POLE: variants seen among roughly 807,000 people sequenced by gnomAD.
POLE encodes DNA polymerase epsilon, catalytic subunit, also known as DNA polymerase epsilon catalytic subunit A.
Under a neutral mutation model 279.2 loss-of-function variants are expected in POLE, and 188 were observed. That is an observed-to-expected ratio of 0.67 (90% CI 0.60 to 0.76). POLE has a LOEUF of 0.76. Among genes scored for constraint, POLE ranks in the 30% least tolerant of loss-of-function variants. The pLI, the probability that POLE is intolerant of heterozygous loss-of-function variation, is 0.00. For synonymous variants in POLE, 1,214 were observed against 1,172.5 expected (o/e 1.04, Z -0.72); for missense variants, 2,703 against 3,016.7 (o/e 0.90, Z 2.44).
rs192222479 is a variant in POLE, at chr12:132,667,660, G to A, written c.2174-12C>T. 1.4e-5 allele frequency: 23 copies of A among 1,613,730 alleles called. No individual in the cohort carries two copies. The highest frequency in any genetic ancestry group is 1.1e-4 in the East Asian group (5 of 44,880). Reference sequence around the variant, plus strand: ...TTTCCGGCAGTAATCTAAGCACGACGGAGATGGGCAGAGCAGGTGGGTGAG... The same window carrying A: ...TTTCCGGCAGTAATCTAAGCACGACAGAGATGGGCAGAGCAGGTGGGTGAG... On this transcript the variant is annotated splice_polypyrimidine_tract_variant and intron_variant, in intron 19 of 48. Transcript: ENST00000320574.
intron 12 of POLE, 37 bp from the exon 13 acceptor site, chr12:132,673,744 T>C (rs2042984561): frequency 6.2e-7 from 1 of 1,609,852 alleles, no homozygotes; most frequent in Admixed American, 1.7e-5. Context: ...AGGATGATTC[T>C]AACATGCAGC....
chr12:132,656,365 CT>C (rs56112203), intron 29 of POLE, among the ~76,000 whole-genome samples: 3,406 of 145,514 alleles, frequency 0.023, 100 homozygotes, highest in African/African-American at 0.076. Flanking sequence ...GAACCTTTTT[CT>C]TTTTTTTTTT....
intron 20 of POLE, 131 bp downstream of exon 20, chr12:132,667,372 A>C: frequency 1.0e-6 from 1 of 953,702 alleles, no homozygotes; most frequent in Non-Finnish European, 1.6e-6. Flanking sequence ...AGTCAAAAAC[A>C]ATTGCACGTT....
intron 29 of POLE, among the ~76,000 whole-genome samples, chr12:132,652,741 C>G (rs780968914): frequency 1.3e-5 from 2 of 152,312 alleles, no homozygotes; most frequent in Middle Eastern, 3.4e-3. Context: ...CTACCAACTT[C>G]CGACTAACAG....
intron 8 of POLE, 123 bp downstream of exon 8, chr12:132,677,240 A>G (rs1332620348): frequency 2.7e-6 from 2 of 746,976 alleles, no homozygotes; most frequent in African/African-American, 3.5e-5. Flanking sequence ...ATTTCCTTTA[A>G]TAAAGTATTT....
At chr12:132,685,490 C>G (rs2043239461) in intron 1 of POLE, among the ~76,000 whole-genome samples, 1 of 152,262 alleles carries the variant, frequency 6.6e-6, no homozygotes, top group Non-Finnish European at 1.5e-5. Flanking sequence ...TCCTGGGGCA[C>G]ACTCACCTCC....
intron 43 of POLE, chr12:132,633,921 ACGGCCAGGGGCAGC>A: frequency 2.6e-6 from 1 of 389,004 alleles, no homozygotes; most frequent in Non-Finnish European, 4.6e-6. Context: ...CCTCAATGAC[ACGGCCAGGGGCAGC>A]CGCTCCCCAT....
intron 45 of POLE, among the ~76,000 whole-genome samples, chr12:132,630,847 T>G (rs1048416167): frequency 1.3e-5 from 2 of 152,218 alleles, no homozygotes; most frequent in African/African-American, 4.8e-5. Flanking sequence ...GGTGAGGATG[T>G]GGAACAGCAA....
chr12:132,644,091 G>A, intron 32 of POLE, 114 bp from the exon 33 acceptor site: 1 of 1,036,566 alleles, frequency 9.6e-7, no homozygotes, highest in South Asian at 1.6e-5. Flanking sequence ...CTAGCGACGG[G>A]GTACACCCAC....
chr12:132,664,252 C>A lies in POLE; in HGVS notation c.2562-104G>T. ...TCCTTCCTGCCCAGTGTGTGGCCTC[C>A]AGCCTTCCCTCCTTCCTTCCTGCCC... is the stretch of plus-strand genomic sequence containing the variant. On this transcript the variant is annotated intron_variant, in intron 22 of 48. Transcript: ENST00000320574. This position sits in a 1 kb window ranked among gnomAD's most constrained non-coding sequence, Gnocchi z 5.3. 1 of 1,211,278 alleles carries A rather than the reference C, an allele frequency of 8.3e-7. No homozygotes were observed. The highest frequency in any genetic ancestry group is 1.3e-5 in the South Asian group (1 of 78,526). The allele number at this position is 1,211,278 out of a possible 1,614,324, so 75.0% of individuals were successfully genotyped here.
rs2138679234 is a variant in POLE at position 132,659,504 on chromosome 12, G to A, written c.3066C>T (p.Ala1022=). 6.2e-7 allele frequency: 1 copy of A among 1,613,938 alleles called. No individual in the cohort carries two copies. Among genetic ancestry groups the A allele is most frequent in the Non-Finnish European group, 8.5e-7 (1 of 1,179,886 alleles). ...CGAATAGCTCAGAGTCAGGCATGTT[G>A]GCTGCCTAGAGAAAGACAATGGGTA... ...YWLDVLYSKA[A]NMPDSELFEL... Residue 1022 remains alanine (A), a synonymous_variant, in exon 26 of 49, where the codon GCC becomes GCT. Transcript: ENST00000320574.
chr12:132,660,446 G>C (rs1382589178), intron 25 of POLE: 1 of 152,340 alleles, frequency 6.6e-6, no homozygotes, highest in Admixed American at 6.5e-5. Flanking sequence ...GCCTGTGCCT[G>C]GGAAACATAT....
At chr12:132,651,371 T>C (rs2042418519) in intron 29 of POLE, 1 of 152,166 alleles carries the variant, frequency 6.6e-6, no homozygotes, top group Non-Finnish European at 1.5e-5. Context: ...TCAATGACCA[T>C]CTCTGTATGT....
rs138052026 is a variant in POLE, at chr12:132,675,290, G to A, written c.1226+108C>T. ...CTTGGGTGACCTGAAACGGCCTCTC[G>A]GAGGCCACCCTCCTCCCATGAGATG... On this transcript the variant is annotated intron_variant, in intron 12 of 48. Transcript: ENST00000320574. The surrounding 1 kb of genome is among the most constrained non-coding windows in gnomAD (Gnocchi z 4.3). The A allele has an allele frequency of 8.9e-4, 1,279 of 1,433,958 alleles. 3 individuals are homozygous for A. Among genetic ancestry groups the A allele is most frequent in the Middle Eastern group, 4.8e-3 (26 of 5,446 alleles). The allele number at this position is 1,433,958 out of a possible 1,614,324, so 88.8% of individuals were successfully genotyped here. A position where few individuals can be genotyped will look rare whatever the true frequency, so the allele number is the denominator to read the frequency against.
rs2043197311 is a variant in POLE, at chr12:132,682,828, C to T, written c.63-1549G>A. ...ATTAGCCGGGCGTGGTGGCGGGCGCCTGTAGTCCCAGCTACTCGGGAGGCT... is the reference window on the plus strand; with the variant it reads ...ATTAGCCGGGCGTGGTGGCGGGCGCTTGTAGTCCCAGCTACTCGGGAGGCT... On this transcript the variant is annotated intron_variant, in intron 1 of 48. Transcript: ENST00000320574. 2.0e-5 allele frequency among the ~76,000 whole-genome samples: 3 copies of T among 152,004 alleles called. No homozygotes were observed. In the South Asian group the frequency reaches 6.2e-4, roughly 32 times the overall value.
Position 132,648,705 on chromosome 12 carries a change from C to T in POLE, c.4149+224G>A, listed in dbSNP as rs372178538. ...TGGTTTGTCCCCGCAACATGGACCT[C>T]GCGGGCAGACAAGCTCATCGTGACA... On this transcript the variant is annotated intron_variant, in intron 32 of 48. Transcript: ENST00000320574. 74 of 480,038 alleles carry T rather than the reference C, an allele frequency of 1.5e-4. No individual in the cohort carries two copies. In the Admixed American group the frequency reaches 1.6e-3, roughly 10 times the overall value. 29.7% of individuals were successfully genotyped at this position (480,038 alleles called of 1,614,324 possible).
chr12:132,643,749 C>G, intron 33 of POLE, 88 bp downstream of exon 33: 1 of 1,508,382 alleles, frequency 6.6e-7, no homozygotes, highest in Non-Finnish European at 9.1e-7. Flanking sequence ...GCTGCTGTTC[C>G]CCAGCCCACA....
intron 41 of POLE, among the ~76,000 whole-genome samples, chr12:132,637,811 C>G (rs1035517350): frequency 2.6e-5 from 4 of 152,258 alleles, no homozygotes; most frequent in African/African-American, 9.6e-5. Context: ...CCAACTCAAG[C>G]TGCACAGCTG....
chr12:132,654,466 C>G (rs1002251440), intron 29 of POLE, among the ~76,000 whole-genome samples: 1 of 152,090 alleles, frequency 6.6e-6, no homozygotes, highest in South Asian at 2.1e-4. Context: ...GGATACTGTC[C>G]GTTCCATCTA....
Sources: gnomAD v4.1 joint callset for allele counts (sites outside exome capture counted in the v4.1 genomes callset) on GRCh38, gnomAD v4.1.1 for gene constraint, Gnocchi (gnomAD v3.1) non-coding constraint, MANE v1.5 for transcripts, NCBI Gene and HGNC (gene_info 2026-07-23, HGNC 2026-07-21) for gene names.